FRG1: variants seen among roughly 807,000 people sequenced by gnomAD.
FRG1 encodes the protein FSHD region gene 1, also known as protein FRG1.
FRG1 carries 19 observed loss-of-function variants against 37.0 expected under a neutral mutation model. That is an observed-to-expected ratio of 0.51 (90% CI 0.36 to 0.75). The LOEUF is 0.75. Among genes scored for constraint, FRG1 ranks in the 30% least tolerant of loss-of-function variants. FRG1 has a pLI of 0.00. For synonymous variants in FRG1, 73 were observed against 96.5 expected (o/e 0.76, Z 1.43); for missense variants, 243 against 301.4 (o/e 0.81, Z 1.44).
At position 189,942,830 on chromosome 4, in the gene FRG1, G is replaced by A. The variant is rs111294968; in HGVS notation, c.63-372G>A. ...ACATTTCCACCAGGAATGTGTGAAG[G>A]TACATATTACCTCTTAATCCTCACA... On this transcript the variant is annotated intron_variant, in intron 1 of 8. Coordinates refer to ENST00000226798, the MANE Select transcript of FRG1 (RefSeq NM_004477.3). Among the ~76,000 whole-genome samples the A allele has an allele frequency of 3.9e-5, 6 of 152,264 alleles. 1 individual carries two copies. The highest frequency in any genetic ancestry group is 1.2e-4 in the African/African-American group (5 of 41,560).
intron 2 of FRG1, among the ~76,000 whole-genome samples, chr4:189,950,015 G>C (rs1736687187): frequency 6.6e-6 from 1 of 151,956 alleles, no homozygotes; most frequent in Non-Finnish European, 1.5e-5. Context: ...CCCAACATTT[G>C]TTTTTCTGGC....
At chr4:189,944,108 T>C (rs1736427905) in intron 2 of FRG1, among the ~76,000 whole-genome samples, 1 of 152,144 alleles carries the variant, frequency 6.6e-6, no homozygotes, top group African/African-American at 2.4e-5. Context: ...TTGCCAAGAG[T>C]TGATGGTGTT....
intron 7 of FRG1, 56 bp downstream of exon 7, chr4:189,960,895 G>A: frequency 2.5e-6 from 4 of 1,574,924 alleles, no homozygotes; most frequent in Non-Finnish European, 3.4e-6. Context: ...GCTTCTCAAA[G>A]TGCTTTCAAA....
chr4:189,952,611 A>G (rs922867215), intron 3 of FRG1, among the ~76,000 whole-genome samples: 7 of 152,188 alleles, frequency 4.6e-5, no homozygotes, highest in African/African-American at 1.7e-4. Flanking sequence ...ATTCAGACCT[A>G]TTGCCAAAAC....
rs149290754 is a variant in FRG1 at position 189,947,699 on chromosome 4, C to G, written c.133+4427C>G. 1.1e-3 allele frequency among the ~76,000 whole-genome samples: 161 copies of G among 152,316 alleles called. 3 individuals are homozygous for G. The highest frequency in any genetic ancestry group is 3.7e-3 in the African/African-American group (153 of 41,582). On this transcript the variant is annotated intron_variant, in intron 2 of 8. Coordinates refer to ENST00000226798, the MANE Select transcript of FRG1 (RefSeq NM_004477.3). The stretch of plus-strand genomic sequence containing the variant: ...GTGGAGCCTGCCTGCTGCATGCACT[C>G]CCCCCAGCCCTTGGCCACAGACCTG...
intron 2 of FRG1, among the ~76,000 whole-genome samples, chr4:189,949,769 A>G (rs558044676): frequency 6.6e-4 from 100 of 152,328 alleles, no homozygotes; most frequent in African/African-American, 1.8e-3. Context: ...CTATAATTCA[A>G]TCATCTAAAT....
At chr4:189,941,975 G>C (rs530177635) in intron 1 of FRG1, 2 of 269,540 alleles carry the variant, frequency 7.4e-6, no homozygotes, top group South Asian at 6.1e-5. Context: ...GAGGAGTCTG[G>C]CCTCATGAAG....
intron 3 of FRG1, among the ~76,000 whole-genome samples, chr4:189,952,839 A>G (rs1374939576): frequency 1.3e-5 from 2 of 152,274 alleles, no homozygotes; most frequent in African/African-American, 4.8e-5. Flanking sequence ...AAGTTATTAA[A>G]TAAGCATTAT....
At position 189,961,939 on chromosome 4, in the gene FRG1, A is replaced by G. The variant is rs780013317; in HGVS notation, c.740+7A>G. 2.8e-5 allele frequency: 41 copies of G among 1,450,874 alleles called. No homozygotes were observed. The South Asian group carries it at 3.1e-4, about 11-fold the overall frequency. The allele number at this position is 1,450,874 out of a possible 1,614,324, so 89.9% of individuals were successfully genotyped here. A position where few individuals can be genotyped will look rare whatever the true frequency, so the allele number is the denominator to read the frequency against. ...ATGAGACGCTTCTGGACAGGTAGCT[A>G]TTTATTTACTTATTTCCACTATTTT... On this transcript the variant is annotated splice_region_variant and intron_variant, in intron 8 of 8. Coordinates refer to ENST00000226798, the MANE Select transcript of FRG1 (RefSeq NM_004477.3).
chr4:189,947,349 A>G (rs1289120292), intron 2 of FRG1, among the ~76,000 whole-genome samples: 1 of 152,154 alleles, frequency 6.6e-6, no homozygotes. Context: ...AGGATTGTTA[A>G]GTCTTCCTTA....
chr4:189,955,549 A>G (rs1394639594), intron 5 of FRG1, among the ~76,000 whole-genome samples: 2 of 152,210 alleles, frequency 1.3e-5, no homozygotes, highest in African/African-American at 4.8e-5. Flanking sequence ...CAATTTGTGC[A>G]TAAAATAAAT....
intron 6 of FRG1, among the ~76,000 whole-genome samples, chr4:189,959,404 TGTCA>T (rs1249164030): frequency 6.6e-6 from 1 of 152,170 alleles, no homozygotes; most frequent in Non-Finnish European, 1.5e-5. Flanking sequence ...TCGTGGTTTT[TGTCA>T]GTCAGTTCAT....
At chr4:189,946,401 C>T (rs1314268398) in intron 2 of FRG1, among the ~76,000 whole-genome samples, 2 of 151,472 alleles carry the variant, frequency 1.3e-5, no homozygotes, top group African/African-American at 4.8e-5. Flanking sequence ...GCCTGGGCCA[C>T]ATGTGGCCCT....
chr4:189,941,044 T>C lies in FRG1; in HGVS notation c.35T>C (p.Leu12Pro), dbSNP rs1379305191. The stretch of plus-strand genomic sequence containing the variant: ...TACTCCTACGTGAAGTCTACCAAGC[T>C]CGTGCTCAAGGGAACCAAGACGAAG... Reference protein sequence around the residue: ...AEYSYVKSTKLVLKGTKTKSK... With the variant: ...AEYSYVKSTKPVLKGTKTKSK... The change falls in exon 1 of 9, where the codon CTC (leucine) becomes CCC (proline). Residue 12 changes from leucine to proline, a missense_variant. Leu to Pro is a moderately conservative substitution (Grantham distance 98). This residue lies in a region of FRG1 where 110 missense variants were observed against 102.2 expected (regional missense o/e 1.08). Transcript: ENST00000226798. The C allele has an allele frequency of 1.9e-6, 3 of 1,614,084 alleles. No individual in the cohort carries two copies. The highest frequency in any genetic ancestry group is 1.7e-4 in the Middle Eastern group (1 of 6,060).
At chr4:189,950,984 A>AT (rs1736728785) in intron 2 of FRG1, among the ~76,000 whole-genome samples, 1 of 152,180 alleles carries the variant, frequency 6.6e-6, no homozygotes, top group South Asian at 2.1e-4. Flanking sequence ...ATTCCTTAAT[A>AT]TGTCATATCC....
chr4:189,941,210 A>C (rs560869967), intron 1 of FRG1, 139 bp downstream of exon 1: 7 of 763,940 alleles, frequency 9.2e-6, no homozygotes, highest in Admixed American at 5.4e-5. Context: ...TCCGGGCTGG[A>C]CGGAGGCCGG....
intron 1 of FRG1, chr4:189,941,908 G>C (rs1160338429): frequency 2.3e-6 from 1 of 435,942 alleles, no homozygotes; most frequent in East Asian, 7.6e-5. Context: ...GATATTTTTA[G>C]GCGAGATAGA....
intron 2 of FRG1, among the ~76,000 whole-genome samples, chr4:189,951,090 A>C (rs913043040): frequency 5.9e-5 from 9 of 152,200 alleles, no homozygotes; most frequent in African/African-American, 2.2e-4. Flanking sequence ...TTTTATAACA[A>C]CGGCTTAAAT....
intron 5 of FRG1, among the ~76,000 whole-genome samples, chr4:189,955,645 A>G (rs1257975149): frequency 1.6e-4 from 24 of 152,182 alleles, no homozygotes; most frequent in Admixed American, 9.8e-4. Context: ...GTTTTAATAT[A>G]AGAAGAAAAA....
Sources: gnomAD v4.1 joint callset for allele counts (sites outside exome capture counted in the v4.1 genomes callset) on GRCh38, gnomAD v4.1.1 for gene constraint, gnomAD v4.1.1 regional missense constraint, MANE v1.5 for transcripts, NCBI Gene and HGNC (gene_info 2026-07-23, HGNC 2026-07-21) for gene names.